The following LOC400499 variants were observed in gnomAD, a reference collection of about 807,000 sequenced individuals.
At chr16:11,507,208 G>C in the LOC400499 span, among the ~76,000 whole-genome samples, 52 of 152,326 alleles carry the variant, frequency 3.4e-4, no homozygotes, top group Non-Finnish European at 6.3e-4. Context: ...GCAACGGTTA[G>C]AGCACAGGCC....
chr16:11,501,510 C>A, the LOC400499 span, among the ~76,000 whole-genome samples: 2 of 152,116 alleles, frequency 1.3e-5, no homozygotes, highest in Admixed American at 6.5e-5. Flanking sequence ...GTGTTCGCTA[C>A]CAAGTCGAGC....
the LOC400499 span, among the ~76,000 whole-genome samples, chr16:11,520,664 CAAAAAAAAAAAAAA>C: frequency 5.0e-3 from 314 of 63,164 alleles, no homozygotes; most frequent in Non-Finnish European, 6.8e-3. Flanking sequence ...GAGACTCCAT[CAAAAAAAAAAAAAA>C]AAAAAAAAAA....
the LOC400499 span, chr16:11,399,911 G>C: frequency 1.3e-5 from 5 of 398,104 alleles, no homozygotes; most frequent in Non-Finnish European, 2.2e-5. Context: ...GTTGGGAAAT[G>C]AGAGGCTAGG....
chr16:11,460,356 C>T, the LOC400499 span: 2 of 1,218,920 alleles, frequency 1.6e-6, no homozygotes, highest in African/African-American at 1.5e-5. Context: ...GGATCCATTC[C>T]CATATGGCTA....
At chr16:11,507,180 GC>G in the LOC400499 span, among the ~76,000 whole-genome samples, 1 of 152,304 alleles carries the variant, frequency 6.6e-6, no homozygotes, top group African/African-American at 2.4e-5. Flanking sequence ...TTCCCATCAA[GC>G]CATGAGGTTC....
At chr16:11,381,947 AT>A in the LOC400499 span, among the ~76,000 whole-genome samples, 49 of 147,616 alleles carry the variant, frequency 3.3e-4, no homozygotes, top group South Asian at 6.4e-4. Flanking sequence ...TCATTCTGGA[AT>A]TTTTTTTTTT....
At chr16:11,385,360 C>T in the LOC400499 span, 25 of 1,232,128 alleles carry the variant, frequency 2.0e-5, no homozygotes, top group Non-Finnish European at 2.5e-5. Flanking sequence ...GTGCTGAGGT[C>T]CCATACCCGG....
chr16:11,449,132 C>T, the LOC400499 span: 4 of 1,410,628 alleles, frequency 2.8e-6, no homozygotes, highest in Admixed American at 8.2e-5. Context: ...GGAGGGGGAC[C>T]AAGGCCTTTG....
the LOC400499 span, among the ~76,000 whole-genome samples, chr16:11,418,268 C>G: frequency 6.6e-6 from 1 of 151,956 alleles, no homozygotes; most frequent in Non-Finnish European, 1.5e-5. Flanking sequence ...TGAATAGACA[C>G]TGGGTAAAGT....
the LOC400499 span, among the ~76,000 whole-genome samples, chr16:11,429,994 T>G: frequency 2.0e-5 from 3 of 152,130 alleles, no homozygotes; most frequent in Non-Finnish European, 4.4e-5. Flanking sequence ...CCAAGAAACC[T>G]GGCAACCCTA....
the LOC400499 span, chr16:11,461,063 G>C: frequency 6.5e-7 from 1 of 1,536,116 alleles, no homozygotes; most frequent in African/African-American, 1.4e-5. Flanking sequence ...GGCACAAACA[G>C]CTCGGCACCC....
At chr16:11,393,973 A>G in the LOC400499 span, among the ~76,000 whole-genome samples, 7 of 152,262 alleles carry the variant, frequency 4.6e-5, no homozygotes, top group Admixed American at 3.9e-4. Context: ...TTTTAAAAAT[A>G]CCCATCTAGG....
At chr16:11,480,521 C>A in the LOC400499 span, among the ~76,000 whole-genome samples, 6 of 152,254 alleles carry the variant, frequency 3.9e-5, no homozygotes, top group East Asian at 1.2e-3. Context: ...AAAACTCCAA[C>A]AATGGGAAAA....
chr16:11,500,739 A>C, the LOC400499 span: 1 of 398,498 alleles, frequency 2.5e-6, no homozygotes, highest in Admixed American at 4.4e-5. Flanking sequence ...CCTCCCCCAC[A>C]TCTAACCAGC....
the LOC400499 span, chr16:11,398,328 C>T: frequency 1.6e-6 from 2 of 1,232,164 alleles, no homozygotes; most frequent in Admixed American, 4.2e-5. Flanking sequence ...CAGCTGCCCC[C>T]TTCTGCAGGG....
At chr16:11,504,537 C>G in the LOC400499 span, among the ~76,000 whole-genome samples, 2 of 151,556 alleles carry the variant, frequency 1.3e-5, no homozygotes, top group Non-Finnish European at 2.9e-5. Context: ...GCCTGAGCAA[C>G]AGAGCGAGAC....
At chr16:11,470,512 T>A in the LOC400499 span, 1 of 152,200 alleles carries the variant, frequency 6.6e-6, no homozygotes, top group Non-Finnish European at 1.5e-5. Context: ...AAATCACTTG[T>A]ACCCCAGTCC....
chr16:11,389,217 T>C, the LOC400499 span, among the ~76,000 whole-genome samples: 5 of 152,218 alleles, frequency 3.3e-5, no homozygotes, highest in East Asian at 3.8e-4. Context: ...AAGCCAGTCA[T>C]GGCCACACCG....
chr16:11,404,606 C>G, the LOC400499 span: 1 of 397,414 alleles, frequency 2.5e-6, no homozygotes, highest in African/African-American at 2.1e-5. Flanking sequence ...CTCGGCCTCC[C>G]AAAGGGCTTG....
Sources: allele counts gnomAD v4.1 joint callset (sites outside exome capture counted in the v4.1 genomes callset), GRCh38; gene constraint gnomAD v4.1.1; transcripts MANE v1.5.